The following GRIN2B variants were observed in gnomAD, a reference collection of about 807,000 sequenced individuals.
GRIN2B encodes the protein glutamate ionotropic receptor NMDA type subunit 2B.
GRIN2B carries 5 observed loss-of-function variants against 114.5 expected under a neutral mutation model. The ratio of observed to expected loss-of-function variants is 0.04; its 90% confidence interval spans 0.02 to 0.09. The LOEUF is 0.09. Ranked by LOEUF, GRIN2B falls within the 10% of genes least tolerant of loss-of-function variation. The pLI, the probability that GRIN2B is intolerant of heterozygous loss-of-function variation, is 1.00. For missense variants in GRIN2B, 1,108 were observed against 1,943.5 expected (o/e 0.57, Z 8.08); for synonymous variants, 787 against 745.1 (o/e 1.06, Z -0.92).
At chr12:13,880,531 G>A (rs1432929711) in intron 2 of GRIN2B, among the ~76,000 whole-genome samples, 1 of 152,120 alleles carries the variant, frequency 6.6e-6, no homozygotes, top group Non-Finnish European at 1.5e-5. Context: ...CTGCCTCTGA[G>A]AGCTGTTTAG....
Position 13,547,981 on chromosome 12 carries a change from A to ATATATATTTTTTTTTTTTTTTTTTTTTTT in GRIN2B, c.*14801_*14802insAAAAAAAAAAAAAAAAAAAAAAATATATA. 3 of 68,574 alleles carry ATATATATTTTTTTTTTTTTTTTTTTTTTT rather than the reference A, an allele frequency of 4.4e-5. No homozygotes were observed. The highest frequency in any genetic ancestry group is 5.8e-5 in the Non-Finnish European group (2 of 34,406). 4.2% of individuals were successfully genotyped at this position (68,574 alleles called of 1,614,324 possible). On this transcript the variant is annotated 3_prime_UTR_variant, in exon 14 of 14. Coordinates refer to ENST00000609686, the MANE Select transcript of GRIN2B (RefSeq NM_000834.5). Reference sequence around the variant, plus strand: ...TGTGTATATATATATATATATATATATTTTTTTTTTTTTTCTGAAAGCTAC... The same window carrying ATATATATTTTTTTTTTTTTTTTTTTTTTT: ...TGTGTATATATATATATATATATATATATATATTTTTTTTTTTTTTTTTTTTTTTTTTTTTTTTTTTTTCTGAAAGCTAC...
intron 4 of GRIN2B, among the ~76,000 whole-genome samples, chr12:13,712,642 C>G (rs1439184180): frequency 1.3e-5 from 2 of 151,718 alleles, no homozygotes; most frequent in Admixed American, 1.3e-4. Flanking sequence ...AATGTTGAAA[C>G]ACCTAGTGTG....
chr12:13,630,449 T>C (rs566342253), intron 5 of GRIN2B, among the ~76,000 whole-genome samples: 28 of 152,360 alleles, frequency 1.8e-4, no homozygotes, highest in African/African-American at 6.3e-4. Context: ...CTTTGTGACT[T>C]GCTTTGCCCA....
At chr12:13,594,168 T>TACTGG (rs909170726) in intron 10 of GRIN2B, among the ~76,000 whole-genome samples, 5 of 152,150 alleles carry the variant, frequency 3.3e-5, no homozygotes, top group African/African-American at 1.2e-4. Flanking sequence ...GCAATCCCAT[T>TACTGG]ACTGGGTATA....
At chr12:13,608,906 G>T in intron 9 of GRIN2B, 74 bp from the exon 10 acceptor site, 2 of 1,046,098 alleles carry the variant, frequency 1.9e-6, no homozygotes, top group South Asian at 1.3e-5. Context: ...AAATACACAG[G>T]GTGAGTCCCT....
At chr12:13,573,375 CAGGAGGCAG>C (rs1354620336) in intron 10 of GRIN2B, among the ~76,000 whole-genome samples, 2 of 149,132 alleles carry the variant, frequency 1.3e-5, no homozygotes, top group East Asian at 3.9e-4. Flanking sequence ...GGCATGAACC[CAGGAGGCAG>C]AGCAGGCAGT....
At chr12:13,885,828 A>C (rs1866147078) in intron 2 of GRIN2B, among the ~76,000 whole-genome samples, 2 of 152,238 alleles carry the variant, frequency 1.3e-5, no homozygotes. Flanking sequence ...TATATAGCTT[A>C]GTTGAGAGCA....
At chr12:13,704,642 C>A (rs1302402834) in intron 4 of GRIN2B, among the ~76,000 whole-genome samples, 1 of 152,078 alleles carries the variant, frequency 6.6e-6, no homozygotes, top group East Asian at 1.9e-4. Flanking sequence ...TCCTTCCTTG[C>A]CAGTTAGACC....
Position 13,537,823 on chromosome 12 carries a change from G to C in GRIN2B, c.*24960C>G, listed in dbSNP as rs1018855541. ...GTAAAACTGAGAACTACTGCTCCAG[G>C]TAACCTTTGATGGGGAGGGCAGATA... is the stretch of plus-strand genomic sequence containing the variant. On this transcript the variant is annotated 3_prime_UTR_variant, in exon 14 of 14. Transcript: ENST00000609686. The C allele has an allele frequency of 6.6e-6, 1 of 152,162 alleles. No individual in the cohort carries two copies. Among genetic ancestry groups the C allele is most frequent in the Admixed American group, 6.5e-5 (1 of 15,280 alleles). 9.4% of individuals were successfully genotyped at this position (152,162 alleles called of 1,614,324 possible).
chr12:13,784,339 AGAG>A (rs1339278149), intron 3 of GRIN2B, among the ~76,000 whole-genome samples: 1 of 151,516 alleles, frequency 6.6e-6, no homozygotes, highest in Non-Finnish European at 1.5e-5. Context: ...GGAACAACCT[AGAG>A]GAGTGACTAA....
intron 10 of GRIN2B, among the ~76,000 whole-genome samples, chr12:13,583,989 G>C (rs2268093): frequency 0.052 from 7,939 of 152,258 alleles, 280 homozygotes; most frequent in East Asian, 0.17. Flanking sequence ...ACTATTTTCA[G>C]AGGGAAAATA....
chr12:13,847,391 C>A (rs1409191164), intron 3 of GRIN2B, among the ~76,000 whole-genome samples: 1 of 152,044 alleles, frequency 6.6e-6, no homozygotes, highest in Non-Finnish European at 1.5e-5. Context: ...TGGGTGGCCT[C>A]ATTACATGCT....
intron 2 of GRIN2B, among the ~76,000 whole-genome samples, chr12:13,873,656 A>AT (rs1865947985): frequency 6.6e-6 from 1 of 152,126 alleles, no homozygotes. Context: ...AAATCCTGAG[A>AT]GTCTGGGGCA....
chr12:13,851,222 G>A (rs1865559925), intron 3 of GRIN2B, among the ~76,000 whole-genome samples: 2 of 152,156 alleles, frequency 1.3e-5, no homozygotes, highest in South Asian at 4.1e-4. Context: ...TTGTTGAACT[G>A]ACATCTGATG....
At chr12:13,619,207 A>G (rs779926905) in intron 5 of GRIN2B, among the ~76,000 whole-genome samples, 5 of 152,220 alleles carry the variant, frequency 3.3e-5, no homozygotes, top group Admixed American at 1.3e-4. Context: ...TGGAATGATG[A>G]ACTGAACCAA....
At chr12:13,972,576 A>T (rs757926627) in intron 2 of GRIN2B, among the ~76,000 whole-genome samples, 1 of 152,184 alleles carries the variant, frequency 6.6e-6, no homozygotes, top group Non-Finnish European at 1.5e-5. Flanking sequence ...CCACTGGCTG[A>T]TTTAGGGCCA....
At chr12:13,633,584 T>C (rs1433238924) in intron 5 of GRIN2B, among the ~76,000 whole-genome samples, 3 of 152,188 alleles carry the variant, frequency 2.0e-5, no homozygotes, top group African/African-American at 4.8e-5. Flanking sequence ...CTGCCTGACC[T>C]GCAGCCAGCT....
intron 5 of GRIN2B, among the ~76,000 whole-genome samples, chr12:13,638,938 T>C (rs6488613): frequency 0.96 from 146,410 of 152,114 alleles, 70,685 homozygotes; most frequent in East Asian, 1. Flanking sequence ...GAGCCCCTCT[T>C]TGCACGTTTG....
At chr12:13,674,398 G>A (rs911575419) in intron 5 of GRIN2B, among the ~76,000 whole-genome samples, 1 of 152,078 alleles carries the variant, frequency 6.6e-6, no homozygotes, top group Admixed American at 6.5e-5. Flanking sequence ...CATAATTTAA[G>A]CCTTATAATT....
Sources: gnomAD v4.1 joint callset for allele counts (sites outside exome capture counted in the v4.1 genomes callset) on GRCh38, gnomAD v4.1.1 for gene constraint, MANE v1.5 for transcripts, NCBI Gene and HGNC (gene_info 2026-07-23, HGNC 2026-07-21) for gene names.